The following POLR2F variants were observed in gnomAD, a reference collection of about 807,000 sequenced individuals.
POLR2F encodes the protein DNA-directed RNA polymerases I, II, and III subunit RPABC2.
POLR2F carries 12 observed loss-of-function variants against 22.7 expected under a neutral mutation model. That is an observed-to-expected ratio of 0.53 (90% confidence interval 0.34 to 0.86). POLR2F has a LOEUF of 0.86. Ranked by LOEUF, POLR2F falls within the 40% of genes least tolerant of loss-of-function variation. The probability of loss-of-function intolerance (pLI) is 0.02; values close to 1 mark genes in which losing one functional copy is unlikely to be tolerated. For missense variants in POLR2F, 126 were observed against 171.5 expected (o/e 0.73, Z 1.48); for synonymous variants, 57 against 66.0 (o/e 0.86, Z 0.66).
intron 1 of POLR2F, among the ~76,000 whole-genome samples, chr22:38,002,358 A>G (rs2084779063): frequency 6.6e-6 from 1 of 152,224 alleles, no homozygotes; most frequent in Non-Finnish European, 1.5e-5. Flanking sequence ...AACCAGTTCT[A>G]TGTAGCATGT....
intron 1 of POLR2F, among the ~76,000 whole-genome samples, chr22:37,995,788 C>A (rs1231250362): frequency 1.3e-5 from 2 of 151,412 alleles, no homozygotes; most frequent in East Asian, 3.9e-4. Context: ...CCCTGGGCAA[C>A]CCCCTTTCTA....
chr22:38,025,234 C>T (rs1601914130), intron 1 of POLR2F, among the ~76,000 whole-genome samples: 1 of 152,110 alleles, frequency 6.6e-6, no homozygotes, highest in African/African-American at 2.4e-5. Flanking sequence ...CATGTGCACT[C>T]ACTTGCTCAC....
intron 5 of POLR2F, among the ~76,000 whole-genome samples, chr22:38,035,240 G>A (rs1309182043): frequency 6.6e-6 from 1 of 152,174 alleles, no homozygotes; most frequent in Non-Finnish European, 1.5e-5. Context: ...GTGCACATCT[G>A]GAGCCCATTA....
chr22:37,986,002 G>C, upstream of POLR2F: 1 of 1,267,570 alleles, frequency 7.9e-7, no homozygotes, highest in Non-Finnish European at 1.0e-6. The surrounding 1 kb of genome is among the most constrained non-coding windows in gnomAD (Gnocchi z 4.7). Flanking sequence ...GCCACCCCCG[G>C]CGCTGCCAAC....
Position 37,974,699 on chromosome 22 carries a change from T to C in POLR2F, c.293+7529T>C, listed in dbSNP as rs1932173077. On this transcript the variant is annotated intron_variant, in intron 4 of 4. Coordinates refer to the POLR2F transcript ENST00000405557. The surrounding 1 kb of genome is among the most constrained non-coding windows in gnomAD (Gnocchi z 5.4). ...TCTTAGATTGATCTCTAGTTGTTTATGAAATTCTCAAATCTTAGGGATGGG... is the reference window on the plus strand; with the variant it reads ...TCTTAGATTGATCTCTAGTTGTTTACGAAATTCTCAAATCTTAGGGATGGG... Among the ~76,000 whole-genome samples the C allele has an allele frequency of 5.3e-5, 8 of 152,328 alleles. 1 individual carries two copies. In the South Asian group the frequency reaches 1.7e-3, roughly 32 times the overall value.
chr22:37,991,700 G>T (rs577498606), intron 1 of POLR2F, among the ~76,000 whole-genome samples: 1 of 152,268 alleles, frequency 6.6e-6, no homozygotes, highest in South Asian at 2.1e-4. Context: ...TTACTTTGGG[G>T]TCACCCTGCC....
At chr22:38,025,849 C>A in intron 1 of POLR2F, 7 of 1,165,540 alleles carry the variant, frequency 6.0e-6, no homozygotes, top group East Asian at 2.4e-5. Flanking sequence ...CTCACTTCAC[C>A]AAGTTGACAT....
In POLR2F at chr22:37,967,949, C is replaced by A. The variant is rs899570175; in HGVS notation, c.*234C>A. On this transcript the variant is annotated 3_prime_UTR_variant, in exon 5 of 5. Transcript: ENST00000442738. ...GGGCCCTTAGCCCCTTTGGATCCCC[C>A]ACATCCTTCCCTCCATCTCCCTGTT... The A allele has an allele frequency of 2.5e-6, 3 of 1,187,388 alleles. No individual in the cohort carries two copies. Among genetic ancestry groups the A allele is most frequent in the Admixed American group, 4.4e-5 (1 of 22,802 alleles). 73.6% of individuals were successfully genotyped at this position (1,187,388 alleles called of 1,614,324 possible). A position where few individuals can be genotyped will look rare whatever the true frequency, so the allele number is the denominator to read the frequency against.
downstream of POLR2F, among the ~76,000 whole-genome samples, chr22:38,030,794 G>A (rs1258282084): frequency 1.3e-5 from 2 of 152,124 alleles, no homozygotes; most frequent in African/African-American, 4.8e-5. Flanking sequence ...GGTGGGGGCA[G>A]GGTTGTGCTG....
exon 2 of POLR2F, chr22:38,026,112 C>T (rs553680736): frequency 1.9e-6 from 1 of 533,842 alleles, no homozygotes; most frequent in East Asian, 5.4e-5. Flanking sequence ...TGCCTGGATC[C>T]CCCACTGCCC....
At chr22:38,020,727 G>A (rs1025235358) in intron 1 of POLR2F, among the ~76,000 whole-genome samples, 2 of 151,706 alleles carry the variant, frequency 1.3e-5, no homozygotes, top group Non-Finnish European at 2.9e-5. Context: ...GGGCAATAGA[G>A]TGAGACTGTC....
At chr22:37,957,145 G>A (rs1479310943) in intron 2 of POLR2F, among the ~76,000 whole-genome samples, 1 of 152,234 alleles carries the variant, frequency 6.6e-6, no homozygotes, top group African/African-American at 2.4e-5. Flanking sequence ...TATGCCAGGT[G>A]CTTTCTGCTG....
chr22:38,035,119 C>A (rs1014848498), intron 5 of POLR2F, among the ~76,000 whole-genome samples: 3 of 152,194 alleles, frequency 2.0e-5, no homozygotes, highest in African/African-American at 7.2e-5. Context: ...CTGCTCTCTG[C>A]CATAGCCATC....
chr22:37,972,236 C>G, downstream of POLR2F: 1 of 1,301,594 alleles, frequency 7.7e-7, no homozygotes, highest in South Asian at 1.2e-5. Flanking sequence ...CTAGCTACTT[C>G]CAGAAAGCAT....
intron 1 of POLR2F, among the ~76,000 whole-genome samples, chr22:37,993,363 G>A (rs574619796): frequency 2.0e-5 from 3 of 152,184 alleles, no homozygotes; most frequent in Non-Finnish European, 4.4e-5. Context: ...CCAGGGCTGG[G>A]CAGGAAGGGA....
rs1433487921 is a variant in POLR2F at position 38,021,957 on chromosome 22, C to T, written c.121-3912C>T. ...ATCAGCCTGGCCAACATGGTGAAAC[C>T]CCATCTCTACTAAAAATACAAAAAT... On this transcript the variant is annotated intron_variant, in intron 1 of 2. Transcript: ENST00000333418. Among the ~76,000 whole-genome samples the T allele has an allele frequency of 2.7e-5, 4 of 147,706 alleles. No individual in the cohort carries two copies. The Admixed American group carries it at 2.8e-4, about 10-fold the overall frequency.
At chr22:38,003,573 G>A (rs561893583) in intron 1 of POLR2F, among the ~76,000 whole-genome samples, 369 of 150,998 alleles carry the variant, frequency 2.4e-3, no homozygotes, top group African/African-American at 7.5e-3. Flanking sequence ...GACACAGTCA[G>A]CCTATTTTTT....
chr22:38,028,685 C>T (rs2085038203), downstream of POLR2F, among the ~76,000 whole-genome samples: 1 of 152,146 alleles, frequency 6.6e-6, no homozygotes, highest in Admixed American at 6.5e-5. Context: ...GCCACATAGC[C>T]ACTGTGTCCC....
At chr22:38,040,236 G>A (rs2085157841) in intron 5 of POLR2F, 1 of 123,790 alleles carries the variant, frequency 8.1e-6, no homozygotes, top group African/African-American at 3.2e-5. Flanking sequence ...AGTGAGCCGA[G>A]ATCACACCAT....
Sources: gnomAD v4.1 joint callset for allele counts (sites outside exome capture counted in the v4.1 genomes callset) on GRCh38, gnomAD v4.1.1 for gene constraint, Gnocchi (gnomAD v3.1) non-coding constraint, MANE v1.5 for transcripts, NCBI Gene and HGNC (gene_info 2026-07-23, HGNC 2026-07-21) for gene names.